Variants in STXBP6 observed in about 807,000 individuals in gnomAD.
STXBP6 encodes the protein syntaxin-binding protein 6.
In STXBP6, 21 loss-of-function variants were observed where a neutral mutation model predicts 26.9. The ratio of observed to expected loss-of-function variants is 0.78; its 90% CI spans 0.55 to 1.12. The LOEUF (loss-of-function observed/expected upper bound fraction) is 1.12. Among genes scored for constraint, STXBP6 ranks in the 50% most tolerant of loss-of-function variants. The pLI, the probability that STXBP6 is intolerant of heterozygous loss-of-function variation, is 0.00. For missense variants in STXBP6, 232 were observed against 257.9 expected (o/e 0.90, Z 0.69); for synonymous variants, 97 against 92.6 (o/e 1.05, Z -0.27).
At chr14:24,889,489 A>T (rs941876371) in intron 2 of STXBP6, among the ~76,000 whole-genome samples, 3 of 151,118 alleles carry the variant, frequency 2.0e-5, no homozygotes, top group African/African-American at 7.3e-5. Flanking sequence ...TGGGTGCAGC[A>T]CACCAACATG....
At chr14:25,024,120 T>C (rs1396405388) in intron 1 of STXBP6, among the ~76,000 whole-genome samples, 3 of 151,788 alleles carry the variant, frequency 2.0e-5, no homozygotes, top group East Asian at 3.9e-4. Context: ...CCATCCTGGC[T>C]AACACGGTGA....
At chr14:24,959,701 C>G (rs1362458799) in intron 2 of STXBP6, among the ~76,000 whole-genome samples, 1 of 152,150 alleles carries the variant, frequency 6.6e-6, no homozygotes, top group African/African-American at 2.4e-5. Context: ...AGTATAACAA[C>G]TGACAAAGGG....
chr14:25,017,288 T>C (rs187907039), intron 1 of STXBP6, among the ~76,000 whole-genome samples: 26 of 152,294 alleles, frequency 1.7e-4, no homozygotes, highest in Admixed American at 5.9e-4. Context: ...AGGGATAGAA[T>C]TGGCAGAGCT....
intron 4 of STXBP6, among the ~76,000 whole-genome samples, chr14:24,848,036 C>T (rs564913697): frequency 2.0e-5 from 3 of 152,240 alleles, no homozygotes; most frequent in South Asian, 4.2e-4. Flanking sequence ...ATTCTTATGG[C>T]TAACACAGAT....
At chr14:24,930,668 T>TA (rs2072351342) in intron 2 of STXBP6, among the ~76,000 whole-genome samples, 1 of 152,212 alleles carries the variant, frequency 6.6e-6, no homozygotes, top group African/African-American at 2.4e-5. Context: ...GAACAAGGGC[T>TA]AAAAAGTCTG....
At chr14:24,822,170 A>G (rs963196982) in intron 4 of STXBP6, among the ~76,000 whole-genome samples, 1 of 151,812 alleles carries the variant, frequency 6.6e-6, no homozygotes, top group Non-Finnish European at 1.5e-5. Context: ...TTCCCTCCAC[A>G]CCTGTTTTTC....
At chr14:25,005,641 C>T (rs568439319) in intron 1 of STXBP6, among the ~76,000 whole-genome samples, 2 of 152,270 alleles carry the variant, frequency 1.3e-5, no homozygotes, top group East Asian at 1.9e-4. Context: ...TGATACTACA[C>T]TTTTGTGGAG....
chr14:24,883,873 T>G (rs905593441), intron 2 of STXBP6, among the ~76,000 whole-genome samples: 1 of 152,194 alleles, frequency 6.6e-6, no homozygotes, highest in African/African-American at 2.4e-5. Flanking sequence ...AAACATGTTT[T>G]GAATTGGAAG....
chr14:24,861,810 G>C (rs779823857), intron 2 of STXBP6, among the ~76,000 whole-genome samples: 7 of 152,110 alleles, frequency 4.6e-5, no homozygotes, highest in Non-Finnish European at 8.8e-5. Flanking sequence ...TAAATGTTTA[G>C]ACCCTGCAGG....
intron 2 of STXBP6, among the ~76,000 whole-genome samples, chr14:24,966,598 A>G (rs1373168533): frequency 6.6e-6 from 1 of 152,212 alleles, no homozygotes; most frequent in African/African-American, 2.4e-5. Flanking sequence ...TTACTTATCT[A>G]TTTTTGAACT....
At chr14:24,868,123 G>C (rs1034455372) in intron 2 of STXBP6, among the ~76,000 whole-genome samples, 12 of 151,940 alleles carry the variant, frequency 7.9e-5, no homozygotes, top group African/African-American at 2.9e-4. Context: ...TGCCTGAGCC[G>C]GGGAGGCAGA....
intron 2 of STXBP6, among the ~76,000 whole-genome samples, chr14:24,910,871 C>A (rs1486187375): frequency 6.6e-6 from 1 of 152,176 alleles, no homozygotes; most frequent in Non-Finnish European, 1.5e-5. Context: ...TGTTCCTAAA[C>A]AACCCAGTGG....
chr14:24,936,804 A>G (rs2072617762), intron 2 of STXBP6, among the ~76,000 whole-genome samples: 3 of 152,222 alleles, frequency 2.0e-5, no homozygotes, highest in Non-Finnish European at 4.4e-5. Flanking sequence ...TACCCAAAGG[A>G]TTAGAAATCA....
chr14:24,869,156 T>C (rs2069833893), intron 2 of STXBP6, among the ~76,000 whole-genome samples: 1 of 152,214 alleles, frequency 6.6e-6, no homozygotes, highest in African/African-American at 2.4e-5. Context: ...ACCTATTTGC[T>C]GTATGTACTG....
chr14:24,933,450 A>T (rs1236064609), intron 2 of STXBP6, among the ~76,000 whole-genome samples: 3 of 152,230 alleles, frequency 2.0e-5, no homozygotes, highest in Admixed American at 6.5e-5. Flanking sequence ...AGAGGTCGAA[A>T]GGGGTAGGAG....
intron 2 of STXBP6, among the ~76,000 whole-genome samples, chr14:24,956,591 G>T (rs2073352104): frequency 1.3e-5 from 2 of 152,126 alleles, no homozygotes; most frequent in Admixed American, 6.5e-5. Flanking sequence ...ACTTGTGAAA[G>T]CTGCCTGCTG....
intron 4 of STXBP6, among the ~76,000 whole-genome samples, chr14:24,821,770 C>G (rs1284195860): frequency 6.6e-6 from 1 of 152,146 alleles, no homozygotes; most frequent in Admixed American, 6.6e-5. Flanking sequence ...TCTTCTCCTA[C>G]TTGACTTTTT....
At chr14:24,912,710 G>A (rs527760958) in intron 2 of STXBP6, among the ~76,000 whole-genome samples, 10 of 152,132 alleles carry the variant, frequency 6.6e-5, no homozygotes, top group Non-Finnish European at 1.2e-4. Context: ...CTCAGACCAT[G>A]CTATCTGGTG....
intron 2 of STXBP6, among the ~76,000 whole-genome samples, chr14:24,903,967 T>A (rs772796923): frequency 6.6e-6 from 1 of 152,214 alleles, no homozygotes; most frequent in Non-Finnish European, 1.5e-5. Context: ...CTTCATTTTC[T>A]TTGCTACATT....
Sources: allele counts gnomAD v4.1 joint callset (sites outside exome capture counted in the v4.1 genomes callset), GRCh38; gene constraint gnomAD v4.1.1; transcripts MANE v1.5; gene names NCBI Gene and HGNC (gene_info 2026-07-23, HGNC 2026-07-21).